The following CCDC60 variants were observed in gnomAD, a reference collection of about 807,000 sequenced individuals.
CCDC60 encodes the protein coiled-coil domain containing 60.
A neutral mutation model predicts 63.5 loss-of-function variants in CCDC60; 54 were observed. The ratio of observed to expected loss-of-function variants is 0.85; its 90% CI spans 0.68 to 1.07. The LOEUF (loss-of-function observed/expected upper bound fraction) is 1.07, where lower values mean the gene tolerates loss of function less well. CCDC60 is among the 50% of genes least tolerant of loss of function. The pLI, the probability that CCDC60 is intolerant of heterozygous loss-of-function variation, is 0.00. For missense variants in CCDC60, 651 were observed against 684.3 expected, an observed-to-expected ratio of 0.95 and a Z score of 0.54; for synonymous variants, 206 against 238.8, an observed-to-expected ratio of 0.86 and a Z score of 1.27.
At chr12:119,365,569 A>T (rs138157781) in intron 1 of CCDC60, among the ~76,000 whole-genome samples, 1 of 152,350 alleles carries the variant, frequency 6.6e-6, no homozygotes, top group African/African-American at 2.4e-5. Context: ...AAAGAAAGCA[A>T]GATCAGAGAA....
intron 13 of CCDC60, among the ~76,000 whole-genome samples, chr12:119,536,553 C>T (rs921815782): frequency 1.4e-4 from 21 of 152,122 alleles, no homozygotes; most frequent in African/African-American, 4.8e-4. Context: ...TGGCTGGTAC[C>T]GGTTGTTCCT....
At chr12:119,507,614 A>ATATTTT (rs1368858215) in intron 7 of CCDC60, among the ~76,000 whole-genome samples, 16 of 50,498 alleles carry the variant, frequency 3.2e-4, no homozygotes, top group East Asian at 1.2e-3. Flanking sequence ...ATATATATAT[A>ATATTTT]TTTTTTTTTT....
rs375651609 is a variant in CCDC60 at position 119,484,642 on chromosome 12, G to A, written c.450-4117G>A. On this transcript the variant is annotated intron_variant, in intron 4 of 13. Transcript: ENST00000327554. ...GTAGGAGGATCGCTTGTGCCCAGGAGGCAGAGGCTGCAGTGTGCCAAAATC... is the reference window on the plus strand; with the variant it reads ...GTAGGAGGATCGCTTGTGCCCAGGAAGCAGAGGCTGCAGTGTGCCAAAATC... Among the ~76,000 whole-genome samples the A allele has an allele frequency of 9.2e-5, 14 of 152,202 alleles. 1 individual carries two copies. In the East Asian group the frequency reaches 2.5e-3, roughly 27 times the overall value.
At chr12:119,428,976 A>G in intron 2 of CCDC60, 1 of 364,952 alleles carries the variant, frequency 2.7e-6, no homozygotes, top group Non-Finnish European at 4.6e-6. Context: ...GCCAGCCTCC[A>G]GCCGCCTAGA....
intron 2 of CCDC60, among the ~76,000 whole-genome samples, chr12:119,437,088 TATC>T (rs1179815168): frequency 3.9e-5 from 6 of 152,212 alleles, no homozygotes; most frequent in African/African-American, 1.4e-4. Flanking sequence ...GTGGCACTTT[TATC>T]ATCCCACCAG....
At chr12:119,421,078 C>A (rs567849320) in intron 1 of CCDC60, among the ~76,000 whole-genome samples, 47 of 152,272 alleles carry the variant, frequency 3.1e-4, no homozygotes, top group Admixed American at 7.2e-4. Context: ...CCAGCTGTTT[C>A]CCTGATGTCT....
intron 13 of CCDC60, 121 bp from the exon 14 acceptor site, chr12:119,540,493 A>T: frequency 1.4e-6 from 1 of 727,212 alleles, no homozygotes; most frequent in Non-Finnish European, 2.4e-6. Flanking sequence ...GAATGCCCAA[A>T]TGGTATTCCT....
rs550702095 is a variant in CCDC60 at position 119,400,047 on chromosome 12, C to CTTTTTTTT, written c.91-28623_91-28616dup. Among the ~76,000 whole-genome samples, 4 of 131,800 alleles carry CTTTTTTTT rather than the reference C, an allele frequency of 3.0e-5. 1 individual carries two copies. Among genetic ancestry groups the CTTTTTTTT allele is most frequent in the Non-Finnish European group, 4.8e-5 (3 of 62,150 alleles). 86.5% of individuals were successfully genotyped at this position (131,800 alleles called of 152,430 possible). On this transcript the variant is annotated intron_variant, in intron 1 of 13. Transcript: ENST00000327554. ...ATAAATTAGCCTACAGGTTGGTTTC[C>CTTTTTTTT]TTTTTTTTTTTTTTTTTTTTGAGAC... is the stretch of plus-strand genomic sequence containing the variant.
intron 1 of CCDC60, among the ~76,000 whole-genome samples, chr12:119,340,944 C>G (rs1331767288): frequency 6.6e-6 from 1 of 152,186 alleles, no homozygotes. Flanking sequence ...TCTCAGCTGG[C>G]TGTTCCATTT....
chr12:119,475,610 T>C (rs959547980), intron 3 of CCDC60, among the ~76,000 whole-genome samples: 2 of 152,140 alleles, frequency 1.3e-5, no homozygotes, highest in African/African-American at 4.8e-5. Flanking sequence ...ATTAGGAGAT[T>C]GTCTACACCC....
chr12:119,530,196 C>T lies in CCDC60; in HGVS notation c.1362-678C>T, dbSNP rs1247191594. Among the ~76,000 whole-genome samples the T allele has an allele frequency of 3.3e-5, 5 of 150,824 alleles. No individual in the cohort carries two copies. The South Asian group carries it at 8.4e-4, about 25-fold the overall frequency. On this transcript the variant is annotated intron_variant, in intron 12 of 13. Coordinates refer to ENST00000327554, the MANE Select transcript of CCDC60 (RefSeq NM_178499.5). Reference sequence around the variant, plus strand: ...ATAAAGCAGTATGAGAAGCCCAAAACATATAATGGATGATCAGTTACATCT... The same window carrying T: ...ATAAAGCAGTATGAGAAGCCCAAAATATATAATGGATGATCAGTTACATCT...
chr12:119,450,886 G>GAGAA (rs948596519), intron 2 of CCDC60, among the ~76,000 whole-genome samples: 8 of 150,272 alleles, frequency 5.3e-5, no homozygotes, highest in African/African-American at 2.0e-4. Flanking sequence ...GAGAGAGAGA[G>GAGAA]ATAAGACAAA....
intron 8 of CCDC60, among the ~76,000 whole-genome samples, chr12:119,518,336 A>G (rs1265602225): frequency 6.6e-6 from 1 of 152,190 alleles, no homozygotes; most frequent in East Asian, 1.9e-4. Flanking sequence ...TTGCCCTTGG[A>G]CAAGTCATCT....
chr12:119,395,298 G>A (rs1469088333), intron 1 of CCDC60, among the ~76,000 whole-genome samples: 1 of 152,194 alleles, frequency 6.6e-6, no homozygotes, highest in Non-Finnish European at 1.5e-5. Flanking sequence ...AAATACCTGA[G>A]ACTGGGTAAT....
Position 119,523,824 on chromosome 12 carries a change from C to T in CCDC60, c.1229+6C>T, listed in dbSNP as rs751791042. 37 of 1,613,586 alleles carry T rather than the reference C, an allele frequency of 2.3e-5. No individual in the cohort carries two copies. Among genetic ancestry groups the T allele is most frequent in the Admixed American group, 1.7e-4 (10 of 59,966 alleles). Reference sequence around the variant, plus strand: ...AAGATGGAAATCCTCATGAAGTAAGCGCACATATATATCCATTCATTCAAA... The same window carrying T: ...AAGATGGAAATCCTCATGAAGTAAGTGCACATATATATCCATTCATTCAAA... On this transcript the variant is annotated splice_donor_region_variant and intron_variant, in intron 11 of 13. Coordinates refer to ENST00000327554, the MANE Select transcript of CCDC60 (RefSeq NM_178499.5).
chr12:119,433,521 C>T, intron 2 of CCDC60: 1 of 702,384 alleles, frequency 1.4e-6, no homozygotes, highest in Non-Finnish European at 2.6e-6. Context: ...AGGAAGGAAT[C>T]AGGATTCCCC....
intron 2 of CCDC60, among the ~76,000 whole-genome samples, chr12:119,442,352 C>T (rs1165260754): frequency 6.6e-6 from 1 of 152,176 alleles, no homozygotes. Context: ...TGGCTCATGC[C>T]TGTAATCCCA....
intron 4 of CCDC60, among the ~76,000 whole-genome samples, chr12:119,488,320 A>G (rs762255481): frequency 6.6e-6 from 1 of 152,214 alleles, no homozygotes; most frequent in Non-Finnish European, 1.5e-5. Context: ...TAGTTTATTT[A>G]TTGTACTTTT....
At chr12:119,539,027 A>G (rs61938143) in intron 13 of CCDC60, among the ~76,000 whole-genome samples, 23 of 152,234 alleles carry the variant, frequency 1.5e-4, no homozygotes, top group Non-Finnish European at 2.5e-4. Context: ...TGGAGGCTGC[A>G]GAACAGCAAA....
Sources: allele counts gnomAD v4.1 joint callset (sites outside exome capture counted in the v4.1 genomes callset), GRCh38; gene constraint gnomAD v4.1.1; transcripts MANE v1.5; gene names NCBI Gene and HGNC (gene_info 2026-07-23, HGNC 2026-07-21).